PSG3: variants seen among roughly 807,000 people sequenced by gnomAD.
PSG3 encodes the protein pregnancy specific beta-1-glycoprotein 3.
PSG3 carries 61 observed loss-of-function variants against 47.5 expected under a neutral mutation model. That is an observed-to-expected ratio of 1.28 (90% CI 1.05 to 1.59). PSG3 has a LOEUF of 1.59. Ranked by LOEUF, PSG3 falls within the 40% of genes most tolerant of loss-of-function variation. The probability of loss-of-function intolerance (pLI) is 0.00; values close to 1 mark genes in which losing one functional copy is unlikely to be tolerated. For missense variants in PSG3, 756 were observed against 524.0 expected, an observed-to-expected ratio of 1.44 and a Z score of -4.32; for synonymous variants, 263 against 198.4, an observed-to-expected ratio of 1.33 and a Z score of -2.74.
Position 42,723,366 on chromosome 19 carries a change from A to G in PSG3, c.*40+576T>C, listed in dbSNP as rs56217450. Among the ~76,000 whole-genome samples the G allele has an allele frequency of 2.6e-5, 4 of 152,214 alleles. No individual in the cohort carries two copies. In the South Asian group the frequency reaches 8.3e-4, roughly 31 times the overall value. ...ATTTTATATCTATATGGGTGAAGGGACAGGGGTGTGTAGGAAGACAGTTCT... is the reference window on the plus strand; with the variant it reads ...ATTTTATATCTATATGGGTGAAGGGGCAGGGGTGTGTAGGAAGACAGTTCT... On this transcript the variant is annotated intron_variant, in intron 6 of 6. Coordinates refer to ENST00000327495, the MANE Select transcript of PSG3 (RefSeq NM_021016.4).
intron 3 of PSG3, among the ~76,000 whole-genome samples, chr19:42,730,692 A>G (rs577150014): frequency 3.9e-5 from 6 of 152,178 alleles, no homozygotes; most frequent in Non-Finnish European, 5.9e-5. Flanking sequence ...TGAACCAGTG[A>G]CCTCTAAAGA....
chr19:42,727,094 C>G (rs560045871), intron 5 of PSG3, among the ~76,000 whole-genome samples: 2 of 152,148 alleles, frequency 1.3e-5, no homozygotes, highest in African/African-American at 4.8e-5. Context: ...AACAGTGGAA[C>G]CTTTACCTAA....
rs533007628 is a variant in PSG3, at chr19:42,730,095, C to A, written c.710-39G>T. 6 of 1,602,290 alleles carry A rather than the reference C, an allele frequency of 3.7e-6. No individual in the cohort carries two copies. The African/African-American group carries it at 4.0e-5, about 11-fold the overall frequency. ...AGAGAGAAGATTGTCCTGTGTGGCA[C>A]CTTTGATTCCTCCACTGGCATCCTT... On this transcript the variant is annotated intron_variant, in intron 3 of 6. Coordinates refer to ENST00000327495, the MANE Select transcript of PSG3 (RefSeq NM_021016.4).
Position 42,724,083 on chromosome 19 carries a change from GC to G in PSG3, c.1244-59del, listed in dbSNP as rs1214503797. 1.9e-6 allele frequency: 3 copies of G among 1,546,158 alleles called. No individual in the cohort carries two copies. In the African/African-American group the frequency reaches 4.1e-5, roughly 21 times the overall value. On this transcript the variant is annotated intron_variant, in intron 5 of 6. Coordinates refer to ENST00000327495, the MANE Select transcript of PSG3 (RefSeq NM_021016.4). ...AGATGATGTTATTTTACATGGGGGAGCCTCAGGAACAAGCATGTAACATGAG... is the reference window on the plus strand; with the variant it reads ...AGATGATGTTATTTTACATGGGGGAGCTCAGGAACAAGCATGTAACATGAG...
chr19:42,722,180 T>G (rs1027819928), intron 6 of PSG3, 90 bp from the exon 7 acceptor site: 3 of 401,512 alleles, frequency 7.5e-6, no homozygotes, highest in Non-Finnish European at 1.3e-5. Context: ...ATCTAGTTAC[T>G]TCTGTGGCAT....
chr19:42,724,055 T>A lies in PSG3; in HGVS notation c.1244-30A>T, dbSNP rs759531494. ...CATGGAAAAAAAAGAAAAGAAGGAA[T>A]GAAGATGATGTTATTTTACATGGGG... On this transcript the variant is annotated intron_variant, in intron 5 of 6. Coordinates refer to ENST00000327495, the MANE Select transcript of PSG3 (RefSeq NM_021016.4). 1.6e-5 allele frequency: 25 copies of A among 1,591,362 alleles called. No individual in the cohort carries two copies. The Middle Eastern group carries it at 8.3e-4, about 53-fold the overall frequency.
chr19:42,729,809 G>A lies in PSG3; in HGVS notation c.957C>T (p.Ile319=), dbSNP rs1969441075. 2.5e-6 allele frequency: 4 copies of A among 1,613,782 alleles called. No homozygotes were observed. Among genetic ancestry groups the A allele is most frequent in the Non-Finnish European group, 3.4e-6 (4 of 1,179,868 alleles). Residue 319 remains isoleucine (I), a synonymous_variant, in exon 4 of 7, where the codon ATC becomes ATT. Coordinates refer to ENST00000327495, the MANE Select transcript of PSG3 (RefSeq NM_021016.4). The part of the protein sequence containing the change: ...QCEIQDRYGG[I]RSYPVTLNVL... ...CATTCAGGGTGACTGGGTAACTGCG[G>A]ATGCCACCATATCGGTCCTGTATTT...
chr19:42,725,262 A>C (rs1386137331), intron 5 of PSG3, among the ~76,000 whole-genome samples: 5 of 152,206 alleles, frequency 3.3e-5, no homozygotes, highest in Admixed American at 2.6e-4. Context: ...AGGTTCAGAG[A>C]AATTGAGTCT....
intron 3 of PSG3, 99 bp from the exon 4 acceptor site, chr19:42,730,155 C>T (rs1969449616): frequency 5.2e-6 from 8 of 1,552,880 alleles, no homozygotes; most frequent in Non-Finnish European, 6.1e-6. Flanking sequence ...TCTCAGCCCA[C>T]CCGAGTCCTT....
chr19:42,738,986 G>T lies in PSG3; in HGVS notation c.168C>A (p.His56Gln), dbSNP rs1298589306. The T allele has an allele frequency of 3.1e-6, 5 of 1,614,020 alleles. No homozygotes were observed. Among genetic ancestry groups the T allele is most frequent in the Admixed American group, 1.7e-5 (1 of 60,026 alleles). The change falls in exon 2 of 7, where the codon CAC (histidine) becomes CAA (glutamine). Residue 56 changes from histidine (H) to glutamine (Q), a missense_variant. His to Gln is a conservative substitution (Grantham distance 24). Coordinates refer to ENST00000327495, the MANE Select transcript of PSG3 (RefSeq NM_021016.4). Reference sequence around the variant, plus strand: ...AGCCAGCAAGATTCTGGGGCAAATTGTGGACAAGTAGAAGAACGTCCTTCC... The same window carrying T: ...AGCCAGCAAGATTCTGGGGCAAATTTTGGACAAGTAGAAGAACGTCCTTCC... Reference protein sequence around the residue: ...SKGKDVLLLVHNLPQNLAGYI... With the variant: ...SKGKDVLLLVQNLPQNLAGYI...
intron 2 of PSG3, among the ~76,000 whole-genome samples, chr19:42,735,679 T>C (rs904258497): frequency 1.3e-5 from 2 of 152,346 alleles, no homozygotes; most frequent in African/African-American, 2.4e-5. Context: ...GGGATTTTAA[T>C]GAGTTGTTGA....
intron 6 of PSG3, among the ~76,000 whole-genome samples, chr19:42,722,379 T>G (rs531804728): frequency 6.6e-6 from 1 of 152,246 alleles, no homozygotes; most frequent in South Asian, 2.1e-4. Context: ...GCCTCCTGAG[T>G]AGCTGGGACT....
At position 42,722,360 on chromosome 19, in the gene PSG3, C is replaced by T. The variant is rs1405709646; in HGVS notation, c.*41-270G>A. On this transcript the variant is annotated intron_variant, in intron 6 of 6. Transcript: ENST00000327495. ...CCGCCTCCCGGGTTCCTGCCATTCT[C>T]CTGCCTCAGCCTCCTGAGTAGCTGG... Among the ~76,000 whole-genome samples the T allele has an allele frequency of 3.9e-5, 6 of 152,178 alleles. 1 individual carries two copies. The highest frequency in any genetic ancestry group is 2.1e-4 in the South Asian group (1 of 4,828).
intron 5 of PSG3, among the ~76,000 whole-genome samples, chr19:42,728,563 C>G (rs1294215562): frequency 6.6e-6 from 1 of 152,178 alleles, no homozygotes; most frequent in East Asian, 1.9e-4. Flanking sequence ...TCAGGACAGG[C>G]CACCAGGGCT....
intron 2 of PSG3, among the ~76,000 whole-genome samples, chr19:42,738,180 G>T (rs931826027): frequency 8.5e-5 from 13 of 152,206 alleles, no homozygotes; most frequent in Admixed American, 3.3e-4. Flanking sequence ...GAGGCTCTGA[G>T]GGCTGAGCCC....
chr19:42,730,281 T>A (rs898003440), intron 3 of PSG3, among the ~76,000 whole-genome samples: 6 of 152,168 alleles, frequency 3.9e-5, no homozygotes, highest in African/African-American at 1.4e-4. Flanking sequence ...CAAGTGTCAA[T>A]TGAGCAGCAG....
chr19:42,722,669 T>A (rs1489304137), intron 6 of PSG3, among the ~76,000 whole-genome samples: 1 of 152,228 alleles, frequency 6.6e-6, no homozygotes, highest in Non-Finnish European at 1.5e-5. Flanking sequence ...TAAAGTGGCT[T>A]TTCCATTCAG....
chr19:42,733,224 G>A (rs10411960), intron 2 of PSG3, among the ~76,000 whole-genome samples, 162 bp from the exon 3 acceptor site: 20,190 of 151,864 alleles, frequency 0.13, 2,027 homozygotes, highest in African/African-American at 0.28. Flanking sequence ...GCAATCTGAG[G>A]GCTCAGAGAT....
At chr19:42,731,662 A>G (rs946106708) in intron 3 of PSG3, among the ~76,000 whole-genome samples, 2 of 151,776 alleles carry the variant, frequency 1.3e-5, no homozygotes, top group African/African-American at 4.9e-5. Context: ...TCTGCAAAAA[A>G]TGTTACTGGG....
Sources: gnomAD v4.1 joint callset for allele counts (sites outside exome capture counted in the v4.1 genomes callset) on GRCh38, gnomAD v4.1.1 for gene constraint, MANE v1.5 for transcripts, NCBI Gene and HGNC (gene_info 2026-07-23, HGNC 2026-07-21) for gene names.